Variants in PIEZO2 observed in about 807,000 individuals in gnomAD.
The protein encoded by PIEZO2 is piezo-type mechanosensitive ion channel component 2.
Under a neutral mutation model 337.3 loss-of-function variants are expected in PIEZO2, and 172 were observed. The ratio of observed to expected loss-of-function variants is 0.51; its 90% CI spans 0.45 to 0.58. PIEZO2 has a LOEUF of 0.58. Ranked by LOEUF, PIEZO2 falls within the 20% of genes least tolerant of loss-of-function variation. The pLI is 0.00. For synonymous variants in PIEZO2, 1,251 were observed against 1,228.5 expected (o/e 1.02, Z -0.38); for missense variants, 3,028 against 3,391.3 (o/e 0.89, Z 2.66).
At chr18:10,925,004 C>T (rs1206664977) in intron 3 of PIEZO2, among the ~76,000 whole-genome samples, 1 of 152,156 alleles carries the variant, frequency 6.6e-6, no homozygotes, top group Non-Finnish European at 1.5e-5. Flanking sequence ...CAGCTTATTT[C>T]TTCTTTTTCC....
In PIEZO2 at chr18:10,931,276, T is replaced by C. The variant is rs79812886; in HGVS notation, c.287-20048A>G. Among the ~76,000 whole-genome samples, 510 of 152,320 alleles carry C rather than the reference T, an allele frequency of 3.3e-3. 2 individuals carry two copies. Among genetic ancestry groups the C allele is most frequent in the African/African-American group, 0.011 (471 of 41,576 alleles). The stretch of plus-strand genomic sequence containing the variant: ...GTGCAGTGGCGCCATCTCTGCCCAC[T>C]GTAAGCTCCGCCTCCTGGGTTCACA... On this transcript the variant is annotated intron_variant, in intron 3 of 55. Transcript: ENST00000674853.
intron 32 of PIEZO2, among the ~76,000 whole-genome samples, chr18:10,742,168 A>C (rs1466386966): frequency 6.6e-6 from 1 of 152,132 alleles, no homozygotes; most frequent in African/African-American, 2.4e-5. Flanking sequence ...AACAAAACAA[A>C]ACAAAACCAA....
intron 17 of PIEZO2, 82 bp from the exon 18 acceptor site, chr18:10,780,448 G>A (rs1016235955): frequency 1.9e-5 from 13 of 696,980 alleles, no homozygotes; most frequent in African/African-American, 1.2e-4. Context: ...AGACAGAGAC[G>A]AACAAAGTGG....
rs538880982 is a variant in PIEZO2, at chr18:11,129,151, C to T, written c.64+19374G>A. On this transcript the variant is annotated intron_variant, in intron 1 of 55. Coordinates refer to ENST00000674853, the MANE Select transcript of PIEZO2 (RefSeq NM_001378183.1). The surrounding 1 kb of genome is among the most constrained non-coding windows in gnomAD (Gnocchi z 4.6). ...GAGTGGATTAGTCACTTTAGACCTA[C>T]GCATCCCAGCTGAGAGGGTCCAGAA... Among the ~76,000 whole-genome samples the T allele has an allele frequency of 1.2e-3, 183 of 152,240 alleles. No homozygotes were observed. Among genetic ancestry groups the T allele is most frequent in the African/African-American group, 4.2e-3 (176 of 41,548 alleles).
chr18:10,866,532 A>G (rs116046805), intron 5 of PIEZO2, among the ~76,000 whole-genome samples: 1,630 of 152,182 alleles, frequency 0.011, 22 homozygotes, highest in African/African-American at 0.033. Context: ...TGATCTGCCC[A>G]CCTTGCCCTC....
chr18:10,873,072 C>T (rs1274571854), intron 4 of PIEZO2, among the ~76,000 whole-genome samples: 1 of 152,082 alleles, frequency 6.6e-6, no homozygotes, highest in Non-Finnish European at 1.5e-5. Context: ...TATTCATATG[C>T]ACTTTAAGTG....
rs576981288 is a variant in PIEZO2 at position 11,109,315 on chromosome 18, G to A, written c.64+39210C>T. On this transcript the variant is annotated intron_variant, in intron 1 of 55. Coordinates refer to ENST00000674853, the MANE Select transcript of PIEZO2 (RefSeq NM_001378183.1). The surrounding 1 kb of genome is among the most constrained non-coding windows in gnomAD (Gnocchi z 5.1). ...TTAAATCACCTTAGCAAATCTCTGT[G>A]CTATGAAAATCACTATTACTGGGCA... Among the ~76,000 whole-genome samples the A allele has an allele frequency of 2.0e-5, 3 of 152,198 alleles. No individual in the cohort carries two copies. The highest frequency in any genetic ancestry group is 4.4e-5 in the Non-Finnish European group (3 of 68,038).
chr18:10,826,113 G>A (rs1288410960), intron 7 of PIEZO2, among the ~76,000 whole-genome samples: 1 of 152,014 alleles, frequency 6.6e-6, no homozygotes, highest in Admixed American at 6.6e-5. Flanking sequence ...CCTAACTCTA[G>A]TATCAGCCAT....
At chr18:10,985,454 T>A (rs995547889) in intron 2 of PIEZO2, among the ~76,000 whole-genome samples, 23 of 152,030 alleles carry the variant, frequency 1.5e-4, no homozygotes, top group African/African-American at 5.6e-4. Context: ...CCTTTCCCCA[T>A]TGTGTATTCT....
At chr18:10,866,161 T>G (rs140609132) in intron 5 of PIEZO2, among the ~76,000 whole-genome samples, 2,182 of 152,344 alleles carry the variant, frequency 0.014, 32 homozygotes, top group Admixed American at 0.023. Flanking sequence ...TTTAAATAGT[T>G]TAAAGATACT....
rs1410757064 is a variant in PIEZO2 at position 10,982,605 on chromosome 18, T to C, written c.161-2945A>G. Among the ~76,000 whole-genome samples the C allele has an allele frequency of 6.6e-6, 1 of 152,210 alleles. No individual in the cohort carries two copies. The highest frequency in any genetic ancestry group is 1.5e-5 in the Non-Finnish European group (1 of 68,036). Reference sequence around the variant, plus strand: ...TTTCAACAAACATTTTAAAAATACATTTGGAAAAATAAGACTGAATTGCCA... The same window carrying C: ...TTTCAACAAACATTTTAAAAATACACTTGGAAAAATAAGACTGAATTGCCA... On this transcript the variant is annotated intron_variant, in intron 2 of 55. Coordinates refer to ENST00000674853, the MANE Select transcript of PIEZO2 (RefSeq NM_001378183.1). The surrounding 1 kb of genome is among the most constrained non-coding windows in gnomAD (Gnocchi z 4.1).
At position 10,801,563 on chromosome 18, in the gene PIEZO2, T is replaced by G. The variant is rs143737394; in HGVS notation, c.1201-135A>C. 1.3e-3 allele frequency: 951 copies of G among 749,908 alleles called. 15 individuals carry two copies. In the East Asian group the frequency reaches 0.025, roughly 20 times the overall value. The allele number at this position is 749,908 out of a possible 1,614,324, so 46.5% of individuals were successfully genotyped here. A position where few individuals can be genotyped will look rare whatever the true frequency, so the allele number is the denominator to read the frequency against. On this transcript the variant is annotated intron_variant, in intron 9 of 55. Coordinates refer to ENST00000674853, the MANE Select transcript of PIEZO2 (RefSeq NM_001378183.1). ...GATTGCTAGTATATTAATATTGCCA[T>G]GCAAAATATAAAAGGACAAATAAAT...
Position 10,718,238 on chromosome 18 carries a change from C to A in PIEZO2, c.5051G>T (p.Arg1684Leu). The A allele has an allele frequency of 6.5e-7, 1 of 1,536,964 alleles. No homozygotes were observed. The highest frequency in any genetic ancestry group is 8.7e-7 in the Non-Finnish European group (1 of 1,146,706). The change falls in exon 37 of 56, where the codon CGG becomes CTG. Residue 1684 changes from arginine (R) to leucine (L), a missense_variant. Around this residue, in one of 5 missense-constraint regions of PIEZO2, gnomAD observed 1,925 missense variants for 2,051.9 expected, o/e 0.94. Coordinates refer to ENST00000674853, the MANE Select transcript of PIEZO2 (RefSeq NM_001378183.1). ...TTTCTTTTTGATTGGTTCATCCTCC[C>A]GGTCTTCCCATTCCACAGGACCTGC... ...SKEGPVEWED[R>L]EDEPIKKKSD... is the part of the protein sequence containing the mutation.
Position 10,969,713 on chromosome 18 carries a change from A to G in PIEZO2, c.286+9822T>C, listed in dbSNP as rs1239459919. On this transcript the variant is annotated intron_variant, in intron 3 of 55. Transcript: ENST00000674853. The surrounding 1 kb of genome is among the most constrained non-coding windows in gnomAD (Gnocchi z 4.5). The stretch of plus-strand genomic sequence containing the variant: ...GATGAGAAATGGGAACAACTATCTG[A>G]GCAGGATTTGGGGTATGCACCTGTA... Among the ~76,000 whole-genome samples the G allele has an allele frequency of 1.3e-5, 2 of 151,966 alleles. No individual in the cohort carries two copies. Among genetic ancestry groups the G allele is most frequent in the African/African-American group, 4.8e-5 (2 of 41,336 alleles).
rs2042991431 is a variant in PIEZO2 at position 10,899,579 on chromosome 18, GAACA to G, written c.329+11603_329+11606del. ...ATTTCAGACTTGCACGTAGGATGCA[GAACA>G]AATAAGAAATATGAAGCCTTCTCTT... is the stretch of plus-strand genomic sequence containing the variant. On this transcript the variant is annotated intron_variant, in intron 4 of 55. Coordinates refer to ENST00000674853, the MANE Select transcript of PIEZO2 (RefSeq NM_001378183.1). The surrounding 1 kb of genome is among the most constrained non-coding windows in gnomAD (Gnocchi z 4.6). 6.6e-6 allele frequency among the ~76,000 whole-genome samples: 1 copy of G among 152,152 alleles called. No homozygotes were observed. The highest frequency in any genetic ancestry group is 2.4e-5 in the African/African-American group (1 of 41,442).
Position 11,109,607 on chromosome 18 carries a change from A to G in PIEZO2, c.64+38918T>C, listed in dbSNP as rs565986331. ...GTGGCATGCACCTGTAATCCCAGCT[A>G]CACCGGAGGCTGAGGCAAGAGAATT... On this transcript the variant is annotated intron_variant, in intron 1 of 55. Transcript: ENST00000674853. This position sits in a 1 kb window ranked among gnomAD's most constrained non-coding sequence, Gnocchi z 5.1. 5.3e-5 allele frequency among the ~76,000 whole-genome samples: 8 copies of G among 152,094 alleles called. No homozygotes were observed. The South Asian group carries it at 1.7e-3, about 32-fold the overall frequency.
In PIEZO2 at chr18:10,862,648, C is replaced by T. The variant is rs1181612585; in HGVS notation, c.493-5437G>A. Among the ~76,000 whole-genome samples, 1 of 152,192 alleles carries T rather than the reference C, an allele frequency of 6.6e-6. No individual in the cohort carries two copies. The highest frequency in any genetic ancestry group is 1.9e-4 in the East Asian group (1 of 5,202). ...GGGTTGGAATAAATCCTAAGGATCA[C>T]CTGGGGACCTTTAAGAGGGCAGATG... On this transcript the variant is annotated intron_variant, in intron 5 of 55. Transcript: ENST00000674853. The surrounding 1 kb of genome is among the most constrained non-coding windows in gnomAD (Gnocchi z 4.4).
At chr18:11,020,472 G>A (rs770977497) in intron 2 of PIEZO2, among the ~76,000 whole-genome samples, 6 of 152,154 alleles carry the variant, frequency 3.9e-5, no homozygotes, top group Non-Finnish European at 8.8e-5. Flanking sequence ...CACATTTGCA[G>A]ACTAGTTGTT....
At chr18:10,832,232 C>A (rs994789219) in intron 7 of PIEZO2, among the ~76,000 whole-genome samples, 1 of 152,006 alleles carries the variant, frequency 6.6e-6, no homozygotes, top group Non-Finnish European at 1.5e-5. Context: ...CAGAGTGAGA[C>A]TCTGTCTCAA....
Sources: gnomAD v4.1 joint callset for allele counts (sites outside exome capture counted in the v4.1 genomes callset) on GRCh38, gnomAD v4.1.1 for gene constraint, gnomAD v4.1.1 regional missense constraint, Gnocchi (gnomAD v3.1) non-coding constraint, MANE v1.5 for transcripts, NCBI Gene and HGNC (gene_info 2026-07-23, HGNC 2026-07-21) for gene names.